PDLIM2: variants seen among roughly 807,000 people sequenced by gnomAD.
The protein encoded by PDLIM2 is PDZ and LIM domain protein 2.
A neutral mutation model predicts 54.1 loss-of-function variants in PDLIM2; 51 were observed. That is an observed-to-expected ratio of 0.94 (90% CI 0.75 to 1.19). PDLIM2 has a LOEUF of 1.19. Among genes scored for constraint, PDLIM2 ranks in the 50% most tolerant of loss-of-function variants. The probability of loss-of-function intolerance (pLI) is 0.00; values close to 1 mark genes in which losing one functional copy is unlikely to be tolerated. For synonymous variants in PDLIM2, 398 were observed against 385.6 expected, an observed-to-expected ratio of 1.03 and a Z score of -0.38; for missense variants, 912 against 874.0, an observed-to-expected ratio of 1.04 and a Z score of -0.55.
At chr8:22,590,005 A>T in intron 8 of PDLIM2, 1 of 474,614 alleles carries the variant, frequency 2.1e-6, no homozygotes, top group Non-Finnish European at 3.8e-6. Context: ...TCGAGTGATA[A>T]AAGCGGTGGC....
intron 3 of PDLIM2, among the ~76,000 whole-genome samples, 173 bp from the exon 3 acceptor site, chr8:22,584,648 A>T (rs917207232): frequency 1.3e-5 from 2 of 152,166 alleles, no homozygotes; most frequent in African/African-American, 4.8e-5. Context: ...GTTGTCATTG[A>T]TGATAGTTGT....
At chr8:22,584,849 A>G (rs142097083) in exon 4 of PDLIM2, 6 of 1,614,012 alleles carry the variant, frequency 3.7e-6, no homozygotes, top group Non-Finnish European at 5.1e-6. Flanking sequence ...AGGGCAGACC[A>G]ATGGGGACAG....
exon 7 of PDLIM2, chr8:22,589,304 C>G: frequency 6.5e-7 from 1 of 1,533,994 alleles, no homozygotes; most frequent in East Asian, 2.4e-5. Context: ...ACAGGCCGGC[C>G]TCGGCCGCGC....
intron 3 of PDLIM2, among the ~76,000 whole-genome samples, chr8:22,582,737 ACG>A (rs1405807841): frequency 6.6e-6 from 1 of 151,348 alleles, no homozygotes; most frequent in East Asian, 1.9e-4. Flanking sequence ...GCGTGCCACC[ACG>A]CCCAGCTAAT....
intron 1 of PDLIM2, chr8:22,580,575 C>T (rs755516530): frequency 2.5e-6 from 4 of 1,613,642 alleles, no homozygotes; most frequent in Non-Finnish European, 3.4e-6. Flanking sequence ...GGGGCATGGA[C>T]TTCACCTCCT....
intron 9 of PDLIM2, 137 bp downstream of exon 8, chr8:22,591,805 C>A: frequency 2.7e-6 from 2 of 736,206 alleles, no homozygotes; most frequent in Non-Finnish European, 4.4e-6. Context: ...CTAGGGGAAG[C>A]AGTGTTGCAC....
At position 22,593,033 on chromosome 8, in the gene PDLIM2, C is replaced by T. The variant is rs1393844144; in HGVS notation, c.1632-700C>T. On this transcript the variant is annotated intron_variant, in intron 9 of 9. Coordinates refer to ENST00000308354, the Ensembl canonical transcript of PDLIM2. ...GGACTACAGGCGTGTGCCACCATAC[C>T]TGGCTAATTTTTAAATTTTTTGTAG... 4 of 152,642 alleles carry T rather than the reference C, an allele frequency of 2.6e-5. 1 individual carries two copies. The highest frequency in any genetic ancestry group is 6.5e-5 in the Admixed American group (1 of 15,270). 9.5% of individuals were successfully genotyped at this position (152,642 alleles called of 1,614,324 possible).
chr8:22,585,444 T>G, intron 6 of PDLIM2, 45 bp downstream of exon 5: 1 of 1,547,522 alleles, frequency 6.5e-7, no homozygotes, highest in Non-Finnish European at 8.8e-7. Flanking sequence ...CAGAAGCACC[T>G]CCCGTTCCTG....
At chr8:22,578,954 C>T in exon 1 of PDLIM2, 1 of 1,239,664 alleles carries the variant, frequency 8.1e-7, no homozygotes. Flanking sequence ...ACGGTCGCAG[C>T]CTGCAGGGGG....
Position 22,580,408 on chromosome 8 carries a change from C to T in PDLIM2, c.749-195C>T, listed in dbSNP as rs1162857074. 6 of 1,351,258 alleles carry T rather than the reference C, an allele frequency of 4.4e-6. No individual in the cohort carries two copies. In the South Asian group the frequency reaches 7.5e-5, roughly 17 times the overall value. The allele number at this position is 1,351,258 out of a possible 1,614,324, so 83.7% of individuals were successfully genotyped here. A position where few individuals can be genotyped will look rare whatever the true frequency, so the allele number is the denominator to read the frequency against. ...GGGAGAACCCAGAAGCATGGCTTCC[C>T]AGGGTGGGGGGAAGTGAAACCGGGC... On this transcript the variant is annotated intron_variant, in intron 1 of 9. Transcript: ENST00000308354.
At chr8:22,597,353 G>A (rs919407008), downstream of PDLIM2, 2 of 152,344 alleles carry the variant, frequency 1.3e-5, no homozygotes, top group African/African-American at 4.8e-5. Context: ...CCTACTTTGG[G>A]TGTTGGGTCA....
chr8:22,590,967 C>T (rs933332237), intron 8 of PDLIM2: 1 of 158,544 alleles, frequency 6.3e-6, no homozygotes, highest in Admixed American at 5.9e-5. Context: ...CTCCAAGGGG[C>T]ATTTGCAGAG....
At chr8:22,580,800 T>C (rs922810) in intron 2 of PDLIM2, 103 bp downstream of exon 1, 265,042 of 1,260,806 alleles carry the variant, frequency 0.21, 29,612 homozygotes, top group Non-Finnish European at 0.23. Flanking sequence ...GTTCTGGAGC[T>C]AGGGATCTGC....
chr8:22,596,437 C>T (rs1446847089), downstream of PDLIM2: 1 of 152,198 alleles, frequency 6.6e-6, no homozygotes, highest in Non-Finnish European at 1.5e-5. Flanking sequence ...AGCAAACTCC[C>T]CTGGAAGAAC....
chr8:22,589,220 C>T, intron 6 of PDLIM2, 78 bp from the exon 6 acceptor site: 1 of 1,472,520 alleles, frequency 6.8e-7, no homozygotes, highest in African/African-American at 1.4e-5. Flanking sequence ...GGCCTGGGAA[C>T]AGCCGGGCTA....
intron 3 of PDLIM2, 115 bp from the exon 3 acceptor site, chr8:22,584,706 T>G (rs959181355): frequency 1.2e-5 from 12 of 982,846 alleles, no homozygotes; most frequent in African/African-American, 1.6e-5. Context: ...GATGTCCAAA[T>G]TTTCTGTAGC....
rs542205067 is a variant in PDLIM2 at position 22,580,418 on chromosome 8, G to A, written c.749-185G>A. The stretch of plus-strand genomic sequence containing the variant: ...AGAAGCATGGCTTCCCAGGGTGGGG[G>A]GAAGTGAAACCGGGCTGAGGGAGGG... On this transcript the variant is annotated intron_variant, in intron 1 of 9. Transcript: ENST00000308354. The A allele has an allele frequency of 1.2e-5, 17 of 1,381,276 alleles. No homozygotes were observed. In the African/African-American group the frequency reaches 2.0e-4, roughly 17 times the overall value. 85.6% of individuals were successfully genotyped at this position (1,381,276 alleles called of 1,614,324 possible).
chr8:22,592,095 T>C (rs1800570424), intron 9 of PDLIM2: 2 of 145,350 alleles, frequency 1.4e-5, no homozygotes, highest in Non-Finnish European at 3.0e-5. Flanking sequence ...TTTTTTTTTT[T>C]TTTTGAGACG....
downstream of PDLIM2, chr8:22,594,407 C>G (rs1800638617): frequency 3.2e-6 from 5 of 1,566,438 alleles, no homozygotes; most frequent in Non-Finnish European, 4.3e-6. Context: ...CTTCTTTTCC[C>G]TCCCTCAAAT....
Sources: gnomAD v4.1 joint callset for allele counts (sites outside exome capture counted in the v4.1 genomes callset) on GRCh38, gnomAD v4.1.1 for gene constraint, MANE v1.5 for transcripts, NCBI Gene and HGNC (gene_info 2026-07-23, HGNC 2026-07-21) for gene names.